CHRDL1: variants seen among roughly 807,000 people sequenced by gnomAD.
The protein encoded by CHRDL1 is chordin like 1.
In CHRDL1, 19 loss-of-function variants were observed where a neutral mutation model predicts 40.9. The ratio of observed to expected loss-of-function variants is 0.46; its 90% CI spans 0.32 to 0.68. The LOEUF (loss-of-function observed/expected upper bound fraction) is 0.68, where lower values mean the gene tolerates loss of function less well. Among genes scored for constraint, CHRDL1 ranks in the 30% least tolerant of loss-of-function variants. The pLI, the probability that CHRDL1 is intolerant of heterozygous loss-of-function variation, is 0.03. For synonymous variants in CHRDL1, 136 were observed against 123.4 expected, an observed-to-expected ratio of 1.10 and a Z score of -0.68; for missense variants, 329 against 352.1, an observed-to-expected ratio of 0.93 and a Z score of 0.53.
intron 1 of CHRDL1, among the ~76,000 whole-genome samples, chrX:110,793,778 G>T (rs940666174): frequency 3.6e-5 from 4 of 111,911 alleles, no homozygotes; most frequent in African/African-American, 1.3e-4. Context: ...CTCCCCATGC[G>T]AGAATCAACA....
intron 4 of CHRDL1, among the ~76,000 whole-genome samples, chrX:110,724,787 T>C (rs1250792084): frequency 9.0e-6 from 1 of 111,311 alleles, no homozygotes; most frequent in Non-Finnish European, 1.9e-5. Flanking sequence ...AGCTTCAATA[T>C]TTCTAGGAAT....
chrX:110,740,857 GT>G (rs1417246600), intron 4 of CHRDL1, among the ~76,000 whole-genome samples: 2 of 111,998 alleles, frequency 1.8e-5, no homozygotes, highest in Admixed American at 1.9e-4. Flanking sequence ...CCTGCAACTT[GT>G]TTTTGTAAAT....
At chrX:110,704,418 G>T (rs975560377) in intron 6 of CHRDL1, among the ~76,000 whole-genome samples, 2 of 111,815 alleles carry the variant, frequency 1.8e-5, no homozygotes, top group Non-Finnish European at 3.8e-5. Flanking sequence ...ATTTGTGGAA[G>T]CCTATTCTGG....
intron 6 of CHRDL1, 111 bp from the exon 7 acceptor site, chrX:110,700,832 G>T: frequency 1.6e-5 from 8 of 487,162 alleles, no homozygotes; most frequent in East Asian, 3.9e-5. Flanking sequence ...TTCTTGAAGT[G>T]TTTTTGCTTT....
chrX:110,683,974 T>TG (rs755677452), intron 9 of CHRDL1, among the ~76,000 whole-genome samples: 4 of 112,318 alleles, frequency 3.6e-5, no homozygotes, highest in African/African-American at 1.3e-4. Context: ...CTCCCCTGTA[T>TG]GTCAGCCCCT....
intron 8 of CHRDL1, 75 bp downstream of exon 8, chrX:110,694,088 C>T: frequency 1.2e-6 from 1 of 839,162 alleles, no homozygotes; most frequent in Admixed American, 2.7e-5. Context: ...GGGTCCTTTC[C>T]CAGCTCCAGC....
intron 4 of CHRDL1, among the ~76,000 whole-genome samples, chrX:110,753,744 A>G (rs186425253): frequency 1.8e-5 from 2 of 111,309 alleles, no homozygotes; most frequent in East Asian, 5.7e-4. Flanking sequence ...GATGGGAGAA[A>G]AGGGGAACAC....
intron 2 of CHRDL1, among the ~76,000 whole-genome samples, chrX:110,768,238 T>TA (rs1183699647): frequency 1.8e-5 from 2 of 112,314 alleles, no homozygotes; most frequent in African/African-American, 6.5e-5. Context: ...ATTTAACAAA[T>TA]ATTTGAGCAC....
chrX:110,686,332 G>A (rs1286215596), intron 9 of CHRDL1, among the ~76,000 whole-genome samples: 6 of 111,914 alleles, frequency 5.4e-5, no homozygotes, highest in African/African-American at 2.0e-4. Context: ...AAAATTTTAA[G>A]CACACAATGA....
At chrX:110,783,359 C>T (rs1379631888) in intron 2 of CHRDL1, among the ~76,000 whole-genome samples, 2 of 112,066 alleles carry the variant, frequency 1.8e-5, no homozygotes, top group Non-Finnish European at 3.8e-5. Context: ...CGTGTTTGAG[C>T]ATGGTTGTCC....
intron 7 of CHRDL1, among the ~76,000 whole-genome samples, chrX:110,699,518 A>G (rs1293333949): frequency 1.8e-5 from 2 of 112,406 alleles, no homozygotes; most frequent in Non-Finnish European, 3.8e-5. Context: ...AAAACATCAA[A>G]TTATACAGAA....
At chrX:110,762,405 T>C (rs965729524) in intron 3 of CHRDL1, among the ~76,000 whole-genome samples, 1 of 111,526 alleles carries the variant, frequency 9.0e-6, no homozygotes, top group Non-Finnish European at 1.9e-5. Context: ...GCCTCCCAAC[T>C]AGCTGAGACA....
In CHRDL1 at chrX:110,675,926, G is replaced by T; in HGVS notation, c.*305C>A. On this transcript the variant is annotated 3_prime_UTR_variant, in exon 12 of 12. Transcript: ENST00000372042. ...AATAACTTTCTAGATAAAAACCCTG[G>T]GGTCTTGTTTGTCTTTAACCTGTAA... The T allele has an allele frequency of 5.2e-6, 1 of 190,780 alleles. No homozygotes were observed. Among genetic ancestry groups the T allele is most frequent in the Non-Finnish European group, 9.6e-6 (1 of 103,958 alleles). 15.7% of individuals were successfully genotyped at this position (190,780 alleles called of 1,213,427 possible).
Position 110,688,626 on chromosome X carries a change from C to T in CHRDL1, c.956G>A (p.Cys319Tyr). 1 of 1,210,605 alleles carries T rather than the reference C, an allele frequency of 8.3e-7. No homozygotes were observed. Among genetic ancestry groups the T allele is most frequent in the Non-Finnish European group, 1.1e-6 (1 of 894,962 alleles). ...TTTTTTACCTGGACACACCTTGCAG[C>T]ATTTTCCGTCTATTTTTTGAGGATA... ...CKYPQKIDGK[C>Y]CKVCPGKKAK... is the part of the protein sequence containing the mutation. The change falls in exon 9 of 12, where the codon TGC becomes TAC. Residue 319 changes from cysteine to tyrosine, a missense_variant. Coordinates refer to ENST00000372042, the MANE Select transcript of CHRDL1 (RefSeq NM_001143981.2).
chrX:110,715,676 T>C (rs1299898973), intron 6 of CHRDL1, among the ~76,000 whole-genome samples: 2 of 112,316 alleles, frequency 1.8e-5, no homozygotes, highest in Non-Finnish European at 3.8e-5. Context: ...CAGTGACATG[T>C]CTTTTCACTG....
intron 4 of CHRDL1, among the ~76,000 whole-genome samples, chrX:110,735,910 A>G (rs767885688): frequency 8.9e-6 from 1 of 112,937 alleles, no homozygotes; most frequent in East Asian, 2.8e-4. Flanking sequence ...GCCCATTGCT[A>G]TCACATTAGG....
chrX:110,712,340 A>AT (rs1203242160), intron 6 of CHRDL1, among the ~76,000 whole-genome samples: 2 of 111,053 alleles, frequency 1.8e-5, no homozygotes, highest in Non-Finnish European at 3.8e-5. Context: ...CTTGTGAAAA[A>AT]TAACAGTTTA....
chrX:110,770,273 C>T (rs1227808976), intron 2 of CHRDL1, among the ~76,000 whole-genome samples: 1 of 111,536 alleles, frequency 9.0e-6, no homozygotes, highest in Non-Finnish European at 1.9e-5. Flanking sequence ...TACATAATCC[C>T]AGTACAGGAA....
intron 2 of CHRDL1, among the ~76,000 whole-genome samples, chrX:110,769,139 G>C (rs1426852331): frequency 8.9e-6 from 1 of 112,136 alleles, no homozygotes; most frequent in Admixed American, 9.5e-5. Flanking sequence ...CTAGTACACT[G>C]TGGGCAATAA....
Sources: gnomAD v4.1 joint callset for allele counts (sites outside exome capture counted in the v4.1 genomes callset) on GRCh38, gnomAD v4.1.1 for gene constraint, MANE v1.5 for transcripts, NCBI Gene and HGNC (gene_info 2026-07-23, HGNC 2026-07-21) for gene names.